AK7: variants seen among roughly 807,000 people sequenced by gnomAD.
AK7 encodes adenylate kinase 7.
AK7 carries 78 observed loss-of-function variants against 96.6 expected under a neutral mutation model. The ratio of observed to expected loss-of-function variants is 0.81; its 90% CI spans 0.67 to 0.97. The LOEUF is 0.97. Among genes scored for constraint, AK7 ranks in the 50% least tolerant of loss-of-function variants. AK7 has a pLI of 0.00. For synonymous variants in AK7, 302 were observed against 317.2 expected, an observed-to-expected ratio of 0.95 and a Z score of 0.51; for missense variants, 855 against 887.9, an observed-to-expected ratio of 0.96 and a Z score of 0.47.
intron 8 of AK7, among the ~76,000 whole-genome samples, chr14:96,447,621 TAA>T (rs1204316201): frequency 6.6e-6 from 1 of 151,906 alleles, no homozygotes; most frequent in Non-Finnish European, 1.5e-5. Context: ...AGTGCCTGGC[TAA>T]GTTTGTTTTT....
At position 96,440,220 on chromosome 14, in the gene AK7, C is replaced by T. The variant is rs190823396; in HGVS notation, c.690+2305C>T. 1.5e-4 allele frequency among the ~76,000 whole-genome samples: 23 copies of T among 152,212 alleles called. 1 individual carries two copies. The highest frequency in any genetic ancestry group is 5.9e-4 in the Admixed American group (9 of 15,290). ...TGAACTCCTGACTTCGTGATCCGCCCGCCTCAGCCTCCAAAGTGCTGGGAT... is the reference window on the plus strand; with the variant it reads ...TGAACTCCTGACTTCGTGATCCGCCTGCCTCAGCCTCCAAAGTGCTGGGAT... On this transcript the variant is annotated intron_variant, in intron 6 of 17. Transcript: ENST00000267584.
At chr14:96,405,819 G>A (rs1318479087) in intron 3 of AK7, among the ~76,000 whole-genome samples, 3 of 152,204 alleles carry the variant, frequency 2.0e-5, no homozygotes, top group Non-Finnish European at 4.4e-5. Flanking sequence ...TTTGAAAAAT[G>A]TAATGAATTC....
Position 96,486,927 on chromosome 14 carries a change from A to G in AK7, c.2004A>G (p.Glu668=). ...AACGACTGGAGGAAGTGAAAAGAGA[A>G]GAAAGAGAATTACTGGAGGCTCAGT... is the stretch of plus-strand genomic sequence containing the variant. ...WNKRLEEVKR[E]ERELLEAQSI... is the part of the protein sequence containing the mutation. Residue 668 remains glutamate (E), a synonymous_variant, in exon 17 of 18, where the codon GAA becomes GAG. Coordinates refer to ENST00000267584, the MANE Select transcript of AK7 (RefSeq NM_152327.5). The G allele has an allele frequency of 6.2e-7, 1 of 1,614,038 alleles. No individual in the cohort carries two copies.
At chr14:96,403,379 TACA>T (rs1890528135) in intron 2 of AK7, among the ~76,000 whole-genome samples, 1 of 152,078 alleles carries the variant, frequency 6.6e-6, no homozygotes, top group African/African-American at 2.4e-5. Flanking sequence ...GAACCAACCC[TACA>T]ACACCTTGAT....
intron 5 of AK7, among the ~76,000 whole-genome samples, chr14:96,422,060 G>A (rs567429202): frequency 6.6e-6 from 1 of 152,320 alleles, no homozygotes; most frequent in Admixed American, 6.5e-5. Context: ...TGGTCCCGTG[G>A]TGCCAACAAT....
intron 2 of AK7, among the ~76,000 whole-genome samples, chr14:96,401,919 T>A (rs1030386753): frequency 6.6e-6 from 1 of 152,170 alleles, no homozygotes; most frequent in African/African-American, 2.4e-5. Context: ...CCTTTCCACA[T>A]TTGGGTCTTC....
At chr14:96,480,281 A>G (rs1895439107) in intron 15 of AK7, among the ~76,000 whole-genome samples, 1 of 152,028 alleles carries the variant, frequency 6.6e-6, no homozygotes, top group African/African-American at 2.4e-5. Context: ...AAAATACACA[A>G]ATTAGCTGGG....
chr14:96,458,181 T>C lies in AK7; in HGVS notation c.1326T>C (p.Asp442=). The stretch of plus-strand genomic sequence containing the variant: ...TGGAAGATGCACAGGAGCTCCTAGA[T>C]GGCATCAAGGAGAGCATGGAGCAGA... ...ENVEDAQELL[D]GIKESMEQNA... is the part of the protein sequence containing the mutation. The change falls in exon 12 of 18, where the codon GAT becomes GAC. Residue 442 remains aspartate (D), a synonymous_variant. Transcript: ENST00000267584. 6.2e-7 allele frequency: 1 copy of C among 1,613,862 alleles called. No homozygotes were observed. The highest frequency in any genetic ancestry group is 1.1e-5 in the South Asian group (1 of 91,078).
chr14:96,433,649 C>T (rs1892479383), intron 5 of AK7, among the ~76,000 whole-genome samples: 1 of 152,126 alleles, frequency 6.6e-6, no homozygotes, highest in Non-Finnish European at 1.5e-5. Flanking sequence ...TTTGTTATTA[C>T]CGACCTTCTG....
At chr14:96,475,990 GA>G (rs35587140) in intron 14 of AK7, among the ~76,000 whole-genome samples, 136,309 of 146,886 alleles carry the variant, frequency 0.93, 63,238 homozygotes, top group East Asian at 0.98. Context: ...AAAAAAAAAA[GA>G]AAAAAAAAAA....
At chr14:96,456,269 C>T in intron 10 of AK7, 78 bp from the exon 11 acceptor site, 1 of 1,102,316 alleles carries the variant, frequency 9.1e-7, no homozygotes, top group South Asian at 1.7e-5. Context: ...AAAGCACTCC[C>T]CTGAAATAAA....
intron 10 of AK7, among the ~76,000 whole-genome samples, chr14:96,454,137 A>G (rs1279826361): frequency 6.6e-6 from 1 of 152,130 alleles, no homozygotes; most frequent in African/African-American, 2.4e-5. Context: ...TACTTCCTTC[A>G]CTGTCTTGGT....
chr14:96,403,693 G>A (rs1011091473), intron 2 of AK7, among the ~76,000 whole-genome samples: 1 of 152,206 alleles, frequency 6.6e-6, no homozygotes, highest in African/African-American at 2.4e-5. Context: ...TCAAGGAACT[G>A]CGGAAAATAG....
intron 12 of AK7, among the ~76,000 whole-genome samples, chr14:96,463,283 A>G (rs1894360772): frequency 6.6e-6 from 1 of 152,166 alleles, no homozygotes; most frequent in African/African-American, 2.4e-5. Flanking sequence ...ACCATCTTCC[A>G]CAAGACTTTA....
At chr14:96,428,476 C>A (rs555604513) in intron 5 of AK7, among the ~76,000 whole-genome samples, 1 of 152,238 alleles carries the variant, frequency 6.6e-6, no homozygotes, top group Non-Finnish European at 1.5e-5. Flanking sequence ...TGGGTATATA[C>A]CCAGTAATGG....
chr14:96,435,005 G>A (rs1002538525), intron 5 of AK7, among the ~76,000 whole-genome samples: 3 of 152,152 alleles, frequency 2.0e-5, no homozygotes, highest in Non-Finnish European at 4.4e-5. Flanking sequence ...CAGGAAAGTA[G>A]GCTCCCCTCT....
At position 96,412,230 on chromosome 14, in the gene AK7, T is replaced by C. The variant is rs978710355; in HGVS notation, c.498+3289T>C. Among the ~76,000 whole-genome samples the C allele has an allele frequency of 1.4e-4, 9 of 66,068 alleles. No individual in the cohort carries two copies. In the South Asian group the frequency reaches 1.7e-3, roughly 12 times the overall value. 43.3% of individuals were successfully genotyped at this position (66,068 alleles called of 152,430 possible). A position where few individuals can be genotyped will look rare whatever the true frequency, so the allele number is the denominator to read the frequency against. ...ACTTTCTTCCTTTCTTTCTTTCTTT[T>C]TTTTTTTTTTTTTTTGAGATGAAGT... On this transcript the variant is annotated intron_variant, in intron 4 of 17. Coordinates refer to ENST00000267584, the MANE Select transcript of AK7 (RefSeq NM_152327.5).
chr14:96,423,191 A>G (rs1177277214), intron 5 of AK7, among the ~76,000 whole-genome samples: 1 of 152,230 alleles, frequency 6.6e-6, no homozygotes. Flanking sequence ...ACGCCTATTA[A>G]GGCAACTGAG....
Position 96,458,197 on chromosome 14 carries a change from A to G in AK7, c.1342A>G (p.Met448Val), listed in dbSNP as rs751055926. 2 of 1,613,954 alleles carry G rather than the reference A, an allele frequency of 1.2e-6. No homozygotes were observed. The highest frequency in any genetic ancestry group is 1.7e-6 in the Non-Finnish European group (2 of 1,179,876). The change falls in exon 12 of 18, where the codon ATG becomes GTG. Residue 448 changes from methionine to valine, a missense_variant. Physicochemically the swap from Met to Val is conservative, Grantham distance 21. Transcript: ENST00000267584. ...GCTCCTAGATGGCATCAAGGAGAGCATGGAGCAGAATGCAGGTAACACACA... is the reference window on the plus strand; with the variant it reads ...GCTCCTAGATGGCATCAAGGAGAGCGTGGAGCAGAATGCAGGTAACACACA... ...QELLDGIKES[M>V]EQNAGQLDDQ...
Sources: gnomAD v4.1 joint callset for allele counts (sites outside exome capture counted in the v4.1 genomes callset) on GRCh38, gnomAD v4.1.1 for gene constraint, MANE v1.5 for transcripts, NCBI Gene and HGNC (gene_info 2026-07-23, HGNC 2026-07-21) for gene names.